The following TNRC6C variants were observed in gnomAD, a reference collection of about 807,000 sequenced individuals.
TNRC6C encodes the protein trinucleotide repeat-containing gene 6C protein.
TNRC6C carries 20 observed loss-of-function variants against 153.7 expected under a neutral mutation model. The ratio of observed to expected loss-of-function variants is 0.13; its 90% confidence interval spans 0.09 to 0.19. The LOEUF (loss-of-function observed/expected upper bound fraction) is 0.19. Among genes scored for constraint, TNRC6C ranks in the 10% least tolerant of loss-of-function variants. TNRC6C has a pLI of 1.00. For synonymous variants in TNRC6C, 811 were observed against 841.4 expected, an observed-to-expected ratio of 0.96 and a Z score of 0.63; for missense variants, 1,987 against 2,172.0, an observed-to-expected ratio of 0.91 and a Z score of 1.69.
At chr17:78,001,939 T>G (rs79571520), upstream of TNRC6C, among the ~76,000 whole-genome samples, 3,619 of 152,228 alleles carry the variant, frequency 0.024, 164 homozygotes, top group African/African-American at 0.083. Flanking sequence ...AACGTAATTT[T>G]AAAAAGAAAA....
At chr17:78,103,323 T>C (rs938536298) in intron 18 of TNRC6C, 91 bp from the exon 22 acceptor site, 2 of 1,458,052 alleles carry the variant, frequency 1.4e-6, no homozygotes, top group Non-Finnish European at 1.9e-6. Flanking sequence ...TAGTGTTTAG[T>C]GTATCCAATT....
chr17:77,985,365 C>T (rs1215422583), intron 1 of TNRC6C, among the ~76,000 whole-genome samples: 5 of 151,288 alleles, frequency 3.3e-5, no homozygotes, highest in Admixed American at 1.3e-4. Flanking sequence ...AAGGCCGAGG[C>T]GGGCGGATCA....
chr17:78,003,684 A>G (rs1240061726), upstream of TNRC6C, among the ~76,000 whole-genome samples: 1 of 152,246 alleles, frequency 6.6e-6, no homozygotes, highest in Non-Finnish European at 1.5e-5. Context: ...TATGAGCTGA[A>G]AGCATCAGCC....
chr17:78,076,314 G>T (rs527328011), intron 8 of TNRC6C, among the ~76,000 whole-genome samples: 1 of 152,218 alleles, frequency 6.6e-6, no homozygotes, highest in African/African-American at 2.4e-5. Flanking sequence ...TCCAGCACGT[G>T]ATCTGCCTCA....
chr17:78,068,585 G>A (rs910113817), intron 5 of TNRC6C, among the ~76,000 whole-genome samples: 7 of 152,162 alleles, frequency 4.6e-5, no homozygotes, highest in Admixed American at 6.5e-5. Flanking sequence ...CTTGAGGTCA[G>A]GAGTTCAAGT....
At chr17:78,042,629 C>T (rs1213820410) in intron 2 of TNRC6C, among the ~76,000 whole-genome samples, 3 of 149,992 alleles carry the variant, frequency 2.0e-5, no homozygotes, top group Admixed American at 6.7e-5. Flanking sequence ...GGAGTAAATC[C>T]TGGTATTCTG....
chr17:78,021,570 T>G (rs568374473), intron 1 of TNRC6C, among the ~76,000 whole-genome samples: 1 of 152,124 alleles, frequency 6.6e-6, no homozygotes, highest in African/African-American at 2.4e-5. Context: ...TTATTTATTT[T>G]TTTATTTTTA....
chr17:78,082,202 T>A (rs1411827555), intron 10 of TNRC6C, among the ~76,000 whole-genome samples: 1 of 150,348 alleles, frequency 6.7e-6, no homozygotes, highest in African/African-American at 2.5e-5. Context: ...GGTCACCGCC[T>A]TCTGATCCTG....
At chr17:78,074,987 C>A in intron 7 of TNRC6C, 149 bp from the exon 10 acceptor site, 1 of 1,087,018 alleles carries the variant, frequency 9.2e-7, no homozygotes, top group Non-Finnish European at 1.3e-6. Flanking sequence ...TCAGCCCTAG[C>A]AAAGCAAGGG....
At chr17:77,998,563 A>C (rs971568025) in intron 1 of TNRC6C, among the ~76,000 whole-genome samples, 1 of 152,144 alleles carries the variant, frequency 6.6e-6, no homozygotes, top group Non-Finnish European at 1.5e-5. Context: ...TTCTCTGTTA[A>C]GTTCACGTAC....
chr17:78,078,432 T>G (rs1288577744), intron 9 of TNRC6C, among the ~76,000 whole-genome samples: 1 of 152,256 alleles, frequency 6.6e-6, no homozygotes, highest in Non-Finnish European at 1.5e-5. Context: ...CCTGAATTTG[T>G]CAGTTCATTC....
intron 2 of TNRC6C, among the ~76,000 whole-genome samples, chr17:78,035,806 G>T (rs551045736): frequency 2.4e-4 from 37 of 152,214 alleles, no homozygotes; most frequent in African/African-American, 8.7e-4. Context: ...AATTCTATTG[G>T]TGTATTCCCG....
chr17:78,050,937 G>A, exon 3 of TNRC6C: 1 of 1,614,004 alleles, frequency 6.2e-7, no homozygotes, highest in Non-Finnish European at 8.5e-7. Context: ...ACAGTAATAG[G>A]TCAGGGTCTG....
At chr17:78,039,266 T>C (rs766682255) in intron 2 of TNRC6C, among the ~76,000 whole-genome samples, 3 of 151,990 alleles carry the variant, frequency 2.0e-5, no homozygotes, top group Non-Finnish European at 4.4e-5. Context: ...AGTTGAACTT[T>C]TGCTAGGCTG....
intron 3 of TNRC6C, among the ~76,000 whole-genome samples, chr17:78,059,746 G>A (rs1278532268): frequency 6.6e-6 from 1 of 151,664 alleles, no homozygotes; most frequent in Non-Finnish European, 1.5e-5. Context: ...CTACTCAAGA[G>A]GCTGAGGCAG....
intron 16 of TNRC6C, 78 bp downstream of exon 18, chr17:78,093,841 G>GGCA: frequency 6.4e-7 from 1 of 1,571,516 alleles, no homozygotes; most frequent in South Asian, 1.1e-5. Context: ...TGACAGGTTG[G>GGCA]GCTGTGAGGC....
chr17:77,984,828 G>GCGCA (rs374953385), intron 1 of TNRC6C, among the ~76,000 whole-genome samples: 8 of 149,552 alleles, frequency 5.3e-5, no homozygotes, highest in African/African-American at 2.0e-4. Context: ...CCTCTTATAC[G>GCGCA]CACACACACA....
At chr17:78,033,414 A>G (rs1034206658) in intron 2 of TNRC6C, among the ~76,000 whole-genome samples, 2 of 152,234 alleles carry the variant, frequency 1.3e-5, no homozygotes, top group South Asian at 2.1e-4. Context: ...TCACGCCTGT[A>G]ATCCCAGCAC....
At chr17:78,062,772 A>G (rs2072793994) in intron 3 of TNRC6C, among the ~76,000 whole-genome samples, 1 of 152,192 alleles carries the variant, frequency 6.6e-6, no homozygotes, top group Non-Finnish European at 1.5e-5. Context: ...GTGCCTGTAG[A>G]TAATGCAGTT....
Sources: gnomAD v4.1 joint callset for allele counts (sites outside exome capture counted in the v4.1 genomes callset) on GRCh38, gnomAD v4.1.1 for gene constraint, MANE v1.5 for transcripts, NCBI Gene and HGNC (gene_info 2026-07-23, HGNC 2026-07-21) for gene names.